The following IGF2BP3 variants were observed in gnomAD, a reference collection of about 807,000 sequenced individuals.
The protein encoded by IGF2BP3 is insulin-like growth factor 2 mRNA-binding protein 3.
IGF2BP3 carries 9 observed loss-of-function variants against 73.8 expected under a neutral mutation model. The observed-to-expected ratio is 0.12, with a 90% CI of 0.07 to 0.21. The LOEUF (loss-of-function observed/expected upper bound fraction) is 0.21. Ranked by LOEUF, IGF2BP3 falls within the 10% of genes least tolerant of loss-of-function variation. IGF2BP3 has a pLI of 1.00. For synonymous variants in IGF2BP3, 258 were observed against 256.7 expected, an observed-to-expected ratio of 1.01 and a Z score of -0.05; for missense variants, 542 against 714.0, an observed-to-expected ratio of 0.76 and a Z score of 2.75.
intron 10 of IGF2BP3, among the ~76,000 whole-genome samples, chr7:23,321,858 G>C (rs1784163898): frequency 6.6e-6 from 1 of 152,184 alleles, no homozygotes; most frequent in Non-Finnish European, 1.5e-5. Flanking sequence ...CTGCAGCTGA[G>C]GGTCCTGTCT....
intron 3 of IGF2BP3, among the ~76,000 whole-genome samples, chr7:23,398,832 G>A (rs1183674482): frequency 1.3e-5 from 2 of 152,166 alleles, no homozygotes; most frequent in Non-Finnish European, 1.5e-5. Flanking sequence ...TGAGTAGGTT[G>A]CAAAAATTTT....
At chr7:23,457,841 A>G (rs1354381573) in intron 2 of IGF2BP3, among the ~76,000 whole-genome samples, 1 of 152,236 alleles carries the variant, frequency 6.6e-6, no homozygotes, top group Admixed American at 6.5e-5. Flanking sequence ...GAATGTGCAC[A>G]TATGTAAAAA....
intron 3 of IGF2BP3, among the ~76,000 whole-genome samples, chr7:23,411,307 C>T (rs968367083): frequency 2.0e-5 from 3 of 152,178 alleles, no homozygotes; most frequent in Non-Finnish European, 4.4e-5. Context: ...CTCAGCCAGG[C>T]ACAGTGACTC....
intron 3 of IGF2BP3, among the ~76,000 whole-genome samples, chr7:23,407,939 T>TGGGGGGCAGGGGGC (rs2128529310): frequency 2.3e-4 from 1 of 4,358 alleles, no homozygotes; most frequent in Admixed American, 3.4e-3. Flanking sequence ...TCAACATTTG[T>TGGGGGGCAGGGGGC]GGGGGGCAGG....
chr7:23,407,346 T>C lies in IGF2BP3; in HGVS notation c.285+11430A>G, dbSNP rs141918896. ...AAAAAGGGCTGGGTGTGGTGGTTCATGCCTGTAATCCCAGCACTTTGGGAG... is the reference window on the plus strand; with the variant it reads ...AAAAAGGGCTGGGTGTGGTGGTTCACGCCTGTAATCCCAGCACTTTGGGAG... On this transcript the variant is annotated intron_variant, in intron 3 of 14. Transcript: ENST00000258729. Among the ~76,000 whole-genome samples, 852 of 150,982 alleles carry C rather than the reference T, an allele frequency of 5.6e-3. 11 individuals are homozygous for C. The highest frequency in any genetic ancestry group is 0.02 in the African/African-American group (806 of 41,204).
intron 3 of IGF2BP3, among the ~76,000 whole-genome samples, chr7:23,375,740 G>A (rs1342431339): frequency 1.3e-5 from 2 of 152,186 alleles, no homozygotes; most frequent in African/African-American, 2.4e-5. Context: ...CATCCCAGAT[G>A]CTGGCATTTT....
At chr7:23,411,210 G>A (rs561831441) in intron 3 of IGF2BP3, among the ~76,000 whole-genome samples, 2 of 152,298 alleles carry the variant, frequency 1.3e-5, no homozygotes, top group East Asian at 3.9e-4. Flanking sequence ...CAGTCTCAAC[G>A]TCACTGTTTC....
intron 5 of IGF2BP3, among the ~76,000 whole-genome samples, chr7:23,355,680 C>G (rs1392987118): frequency 6.6e-6 from 1 of 152,030 alleles, no homozygotes; most frequent in Non-Finnish European, 1.5e-5. Context: ...TGCCTGTAAT[C>G]CCAACACTTC....
At chr7:23,390,776 T>C (rs550245755) in intron 3 of IGF2BP3, among the ~76,000 whole-genome samples, 1 of 151,892 alleles carries the variant, frequency 6.6e-6, no homozygotes, top group Non-Finnish European at 1.5e-5. Flanking sequence ...ACAGCTGTTT[T>C]TGTCACCTTG....
intron 2 of IGF2BP3, among the ~76,000 whole-genome samples, chr7:23,419,129 G>A (rs916580509): frequency 6.6e-6 from 1 of 152,168 alleles, no homozygotes; most frequent in East Asian, 1.9e-4. Flanking sequence ...AAATCCGTTA[G>A]CTTCAAATTA....
intron 2 of IGF2BP3, among the ~76,000 whole-genome samples, chr7:23,461,580 C>G (rs1788451240): frequency 6.6e-6 from 1 of 152,200 alleles, no homozygotes; most frequent in African/African-American, 2.4e-5. Flanking sequence ...TTTTCTGATA[C>G]TCCTCAGCTA....
intron 12 of IGF2BP3, among the ~76,000 whole-genome samples, chr7:23,315,622 C>T (rs17740440): frequency 0.092 from 14,065 of 152,174 alleles, 904 homozygotes; most frequent in South Asian, 0.18. Context: ...AGGGCACTAC[C>T]GACAAAACAA....
chr7:23,447,485 G>C (rs1409656739), intron 2 of IGF2BP3, among the ~76,000 whole-genome samples: 1 of 150,944 alleles, frequency 6.6e-6, no homozygotes, highest in Non-Finnish European at 1.5e-5. Flanking sequence ...AATTAGCCAG[G>C]CATGGGGTGT....
intron 3 of IGF2BP3, among the ~76,000 whole-genome samples, chr7:23,386,662 T>C (rs1268376764): frequency 6.6e-6 from 1 of 152,200 alleles, no homozygotes; most frequent in African/African-American, 2.4e-5. Context: ...CGGTCCACCC[T>C]CAAGGAGATA....
chr7:23,316,525 A>G (rs925445899), intron 12 of IGF2BP3, among the ~76,000 whole-genome samples: 1 of 151,992 alleles, frequency 6.6e-6, no homozygotes, highest in Admixed American at 6.6e-5. Flanking sequence ...CTAAAAATAA[A>G]TTGGCTGGGC....
intron 8 of IGF2BP3, 65 bp from the exon 9 acceptor site, chr7:23,343,918 G>A: frequency 6.6e-7 from 1 of 1,526,652 alleles, no homozygotes; most frequent in South Asian, 1.2e-5. Context: ...TAATAATTCA[G>A]CCACAGACGG....
At chr7:23,462,550 G>A (rs959145445) in intron 2 of IGF2BP3, among the ~76,000 whole-genome samples, 4 of 152,040 alleles carry the variant, frequency 2.6e-5, no homozygotes, top group African/African-American at 9.7e-5. Flanking sequence ...TTTTAGTAGA[G>A]ACGGGGTTTC....
chr7:23,379,197 T>C (rs1056773118), intron 3 of IGF2BP3, among the ~76,000 whole-genome samples: 1 of 152,222 alleles, frequency 6.6e-6, no homozygotes, highest in African/African-American at 2.4e-5. Context: ...TTGAAATTTA[T>C]TGGTGGGGTG....
intron 10 of IGF2BP3, among the ~76,000 whole-genome samples, chr7:23,340,751 C>T (rs901621584): frequency 2.6e-5 from 4 of 152,012 alleles, no homozygotes; most frequent in East Asian, 1.9e-4. Context: ...TGCTGTGCTG[C>T]GATTATTTTC....
Sources: allele counts gnomAD v4.1 joint callset (sites outside exome capture counted in the v4.1 genomes callset), GRCh38; gene constraint gnomAD v4.1.1; transcripts MANE v1.5; gene names NCBI Gene and HGNC (gene_info 2026-07-23, HGNC 2026-07-21).